The following ERG variants were observed in gnomAD, a reference collection of about 807,000 sequenced individuals.
ERG encodes ETS transcription factor ERG.
A neutral mutation model predicts 55.3 loss-of-function variants in ERG; 9 were observed. The observed-to-expected ratio is 0.16, with a 90% CI of 0.10 to 0.28. The LOEUF is 0.28. Among genes scored for constraint, ERG ranks in the 10% least tolerant of loss-of-function variants. ERG has a pLI of 1.00. For missense variants in ERG, 434 were observed against 631.6 expected, an observed-to-expected ratio of 0.69 and a Z score of 3.35; for synonymous variants, 223 against 237.3, an observed-to-expected ratio of 0.94 and a Z score of 0.55.
intron 1 of ERG, among the ~76,000 whole-genome samples, chr21:38,576,834 G>C (rs543736523): frequency 8.6e-5 from 13 of 151,942 alleles, no homozygotes; most frequent in Non-Finnish European, 1.9e-4. Context: ...TGGGCGCTTG[G>C]TTATGGTTCT....
chr21:38,392,558 G>T, intron 6 of ERG, 114 bp from the exon 7 acceptor site: 5 of 708,400 alleles, frequency 7.1e-6, no homozygotes, highest in Non-Finnish European at 1.1e-5. Context: ...AAAAAAATCT[G>T]GTAATCCAAA....
Position 38,498,288 on chromosome 21 carries a change from G to C in ERG, c.18+75C>G. 2.2e-6 allele frequency: 3 copies of C among 1,336,482 alleles called. No individual in the cohort carries two copies. The highest frequency in any genetic ancestry group is 3.2e-6 in the Non-Finnish European group (3 of 933,212). 82.8% of individuals were successfully genotyped at this position (1,336,482 alleles called of 1,614,324 possible). A position where few individuals can be genotyped will look rare whatever the true frequency, so the allele number is the denominator to read the frequency against. ...GGTGTTGCCCAACCCTAACTTATCT[G>C]CCTTGATAAAGGAAACCAAAGAAAA... On this transcript the variant is annotated intron_variant, in intron 1 of 9. Transcript: ENST00000288319. This position sits in a 1 kb window ranked among gnomAD's most constrained non-coding sequence, Gnocchi z 4.6.
In ERG at chr21:38,446,733, G is replaced by A. The variant is rs990990741; in HGVS notation, c.19-1112C>T. ...TTTGGAGGCAGAGCAGGGGAGGCAG[G>A]GGAGTGTGGGCTGCGCAGACCCTTC... On this transcript the variant is annotated intron_variant, in intron 1 of 9. Coordinates refer to ENST00000288319, the MANE Select transcript of ERG (RefSeq NM_182918.4). Among the ~76,000 whole-genome samples, 3 of 152,084 alleles carry A rather than the reference G, an allele frequency of 2.0e-5. No individual in the cohort carries two copies. In the South Asian group the frequency reaches 6.2e-4, roughly 32 times the overall value.
At chr21:38,579,529 C>T (rs1414761303) in intron 1 of ERG, among the ~76,000 whole-genome samples, 1 of 152,110 alleles carries the variant, frequency 6.6e-6, no homozygotes, top group Non-Finnish European at 1.5e-5. Context: ...AAGAGGGTGC[C>T]ACCAAGGAGC....
chr21:38,425,254 G>A (rs1989763929), intron 2 of ERG, among the ~76,000 whole-genome samples: 1 of 152,084 alleles, frequency 6.6e-6, no homozygotes, highest in Non-Finnish European at 1.5e-5. Flanking sequence ...AAGTGGTGGT[G>A]CATGCCTTTA....
At chr21:38,545,053 C>G (rs1478571125) in intron 2 of ERG, among the ~76,000 whole-genome samples, 1 of 152,176 alleles carries the variant, frequency 6.6e-6, no homozygotes, top group Non-Finnish European at 1.5e-5. Context: ...CTGTCTGTCT[C>G]TACCACAAAT....
chr21:38,583,552 T>C (rs959216026), intron 1 of ERG, among the ~76,000 whole-genome samples: 1 of 152,194 alleles, frequency 6.6e-6, no homozygotes, highest in Admixed American at 6.5e-5. Flanking sequence ...TCTTTCCAAA[T>C]GAATAAAAAT....
At chr21:38,397,328 G>A (rs1051205453) in intron 6 of ERG, among the ~76,000 whole-genome samples, 2 of 152,080 alleles carry the variant, frequency 1.3e-5, no homozygotes, top group Non-Finnish European at 2.9e-5. Context: ...GGCTGGGCAT[G>A]GTGGTTCACG....
At chr21:38,628,410 T>G (rs2060338159) in intron 1 of ERG, among the ~76,000 whole-genome samples, 2 of 152,146 alleles carry the variant, frequency 1.3e-5, no homozygotes, top group Non-Finnish European at 2.9e-5. Flanking sequence ...AGGGACCACA[T>G]GAGCATTAAT....
chr21:38,473,317 G>A (rs2836429), intron 1 of ERG, among the ~76,000 whole-genome samples: 125,041 of 152,036 alleles, frequency 0.82, 51,513 homozygotes, highest in East Asian at 0.99. Flanking sequence ...GGGATCCTCT[G>A]TCTTTAGTGA....
chr21:38,479,713 G>C (rs935889089), intron 1 of ERG, among the ~76,000 whole-genome samples: 1 of 152,058 alleles, frequency 6.6e-6, no homozygotes, highest in Non-Finnish European at 1.5e-5. Flanking sequence ...AACACTTTCT[G>C]TTCCATCCAC....
chr21:38,558,451 C>T (rs996412130), intron 2 of ERG, among the ~76,000 whole-genome samples: 1 of 152,166 alleles, frequency 6.6e-6, no homozygotes, highest in Non-Finnish European at 1.5e-5. Flanking sequence ...TCTCAAGGTC[C>T]TTGTCAGCAT....
chr21:38,550,536 G>A (rs1156356763), intron 2 of ERG, among the ~76,000 whole-genome samples: 1 of 152,170 alleles, frequency 6.6e-6, no homozygotes, highest in Non-Finnish European at 1.5e-5. Context: ...TTTTGTCACA[G>A]TGTGAAGACC....
At chr21:38,493,378 G>A (rs1428583636) in intron 1 of ERG, among the ~76,000 whole-genome samples, 1 of 152,152 alleles carries the variant, frequency 6.6e-6, no homozygotes, top group Non-Finnish European at 1.5e-5. Context: ...AGAAGAGCAG[G>A]ACAGGTAGGT....
intron 2 of ERG, among the ~76,000 whole-genome samples, chr21:38,570,790 TG>T (rs1445811965): frequency 1.3e-5 from 2 of 152,216 alleles, no homozygotes; most frequent in Non-Finnish European, 2.9e-5. Context: ...AGAATTTTCA[TG>T]ACTAGCATCT....
chr21:38,378,902 A>G (rs2146402402), downstream of ERG, among the ~76,000 whole-genome samples: 1 of 152,326 alleles, frequency 6.6e-6, no homozygotes, highest in African/African-American at 2.4e-5. Flanking sequence ...AGCTGGGCAA[A>G]TTGTTCAATC....
chr21:38,626,104 TA>T (rs1173517080), intron 1 of ERG, among the ~76,000 whole-genome samples: 1 of 151,994 alleles, frequency 6.6e-6, no homozygotes. Context: ...GTATTTTTAG[TA>T]GAGACAGGGT....
chr21:38,565,161 C>T (rs2836517), intron 2 of ERG, among the ~76,000 whole-genome samples: 69,146 of 151,966 alleles, frequency 0.46, 18,342 homozygotes, highest in Non-Finnish European at 0.61. Flanking sequence ...CTGTCTTTTC[C>T]ACCTTCAAAG....
Position 38,625,462 on chromosome 21 carries a change from G to A in ERG, c.-150+36196C>T, listed in dbSNP as rs140496277. Reference sequence around the variant, plus strand: ...TTTAAGAATCCTTGATCTTTAAAATGCTACCCACTTGGCCTCCTCTTTTAT... The same window carrying A: ...TTTAAGAATCCTTGATCTTTAAAATACTACCCACTTGGCCTCCTCTTTTAT... On this transcript the variant is annotated intron_variant, in intron 1 of 10. Transcript: ENST00000398910. Among the ~76,000 whole-genome samples the A allele has an allele frequency of 1.7e-3, 261 of 152,204 alleles. 1 individual carries two copies. Among genetic ancestry groups the A allele is most frequent in the African/African-American group, 6.1e-3 (255 of 41,510 alleles).
Sources: allele counts gnomAD v4.1 joint callset (sites outside exome capture counted in the v4.1 genomes callset), GRCh38; gene constraint gnomAD v4.1.1; non-coding constraint Gnocchi (gnomAD v3.1); transcripts MANE v1.5; gene names NCBI Gene and HGNC (gene_info 2026-07-23, HGNC 2026-07-21).